Variants in TENT4B observed in about 807,000 individuals in gnomAD.
The protein encoded by TENT4B is terminal nucleotidyltransferase 4B, also known as PAP associated domain containing 5.
In TENT4B, 10 loss-of-function variants were observed where a neutral mutation model predicts 75.0. The observed-to-expected ratio is 0.13, with a 90% CI of 0.08 to 0.23. TENT4B has a LOEUF of 0.23. Ranked by LOEUF, TENT4B falls within the 10% of genes least tolerant of loss-of-function variation. The pLI is 1.00. For synonymous variants in TENT4B, 350 were observed against 357.7 expected (o/e 0.98, Z 0.24); for missense variants, 579 against 893.8 (o/e 0.65, Z 4.49).
intron 1 of TENT4B, among the ~76,000 whole-genome samples, chr16:50,161,296 A>C (rs2037998771): frequency 1.3e-5 from 2 of 152,346 alleles, no homozygotes; most frequent in South Asian, 4.1e-4. Flanking sequence ...TGATGATGTA[A>C]AAAGACATTT....
At chr16:50,172,668 A>G (rs1445898797) in intron 1 of TENT4B, among the ~76,000 whole-genome samples, 1 of 152,090 alleles carries the variant, frequency 6.6e-6, no homozygotes, top group Admixed American at 6.6e-5. Flanking sequence ...ACTGTTAACT[A>G]AGGTCCGTAA....
chr16:50,203,455 T>C (rs1166336743), intron 1 of TENT4B, among the ~76,000 whole-genome samples: 1 of 152,266 alleles, frequency 6.6e-6, no homozygotes, highest in Non-Finnish European at 1.5e-5. Context: ...ACTTTAAAAT[T>C]GAAAGCCATT....
At position 50,218,889 on chromosome 16, in the gene TENT4B, C is replaced by G. The variant is rs533920030; in HGVS notation, c.1038+1226C>G. ...CAGCTTTCTCACCTCTAACCTAAGC[C>G]ATTAACTCCTTTGGCTTCTGTTAGA... is the stretch of plus-strand genomic sequence containing the variant. On this transcript the variant is annotated intron_variant, in intron 5 of 11. Transcript: ENST00000561678. Among the ~76,000 whole-genome samples the G allele has an allele frequency of 2.6e-5, 4 of 152,260 alleles. No homozygotes were observed. In the East Asian group the frequency reaches 5.8e-4, roughly 22 times the overall value.
intron 2 of TENT4B, 25 bp downstream of exon 2, chr16:50,211,471 T>C: frequency 2.6e-6 from 4 of 1,547,464 alleles, no homozygotes; most frequent in South Asian, 2.6e-5. Context: ...GGGTAGCTTA[T>C]GCTTCGGACA....
chr16:50,218,493 C>T (rs2031677688), intron 5 of TENT4B, among the ~76,000 whole-genome samples: 1 of 151,952 alleles, frequency 6.6e-6, no homozygotes, highest in African/African-American at 2.4e-5. Context: ...GGGACGAGTA[C>T]CAGGCACCTG....
intron 1 of TENT4B, among the ~76,000 whole-genome samples, chr16:50,185,623 ATTAC>A (rs2038511062): frequency 6.6e-6 from 1 of 152,128 alleles, no homozygotes; most frequent in Non-Finnish European, 1.5e-5. Context: ...TGTTTTTATA[ATTAC>A]TTAACACGTG....
intron 1 of TENT4B, among the ~76,000 whole-genome samples, chr16:50,162,997 T>C (rs953598924): frequency 6.6e-6 from 1 of 152,206 alleles, no homozygotes; most frequent in Non-Finnish European, 1.5e-5. Context: ...ATAGAATAGA[T>C]ACTTGATCTT....
chr16:50,175,139 A>C (rs534795800), intron 1 of TENT4B, among the ~76,000 whole-genome samples: 1 of 152,132 alleles, frequency 6.6e-6, no homozygotes, highest in Non-Finnish European at 1.5e-5. Context: ...AAGAACATGT[A>C]ATATTTCTCT....
At chr16:50,158,745 A>G (rs369203398) in intron 1 of TENT4B, among the ~76,000 whole-genome samples, 19 of 152,252 alleles carry the variant, frequency 1.2e-4, no homozygotes, top group East Asian at 5.8e-4. Flanking sequence ...TTTGGAGTAC[A>G]AATTTGGCTG....
intron 1 of TENT4B, among the ~76,000 whole-genome samples, chr16:50,194,289 C>T (rs912562332): frequency 1.4e-5 from 2 of 146,066 alleles, no homozygotes; most frequent in African/African-American, 2.5e-5. Context: ...AATCTCAGTT[C>T]ACTGCAACCT....
intron 1 of TENT4B, among the ~76,000 whole-genome samples, chr16:50,183,811 G>A (rs1343139317): frequency 3.9e-5 from 6 of 152,130 alleles, no homozygotes; most frequent in African/African-American, 1.4e-4. Flanking sequence ...TTGGGAGGCC[G>A]AGGTGGGCAG....
At chr16:50,202,882 A>G (rs2030735037) in intron 1 of TENT4B, among the ~76,000 whole-genome samples, 1 of 152,218 alleles carries the variant, frequency 6.6e-6, no homozygotes, top group Non-Finnish European at 1.5e-5. Flanking sequence ...CCAAGAGGAA[A>G]TCAACTGAAA....
At chr16:50,225,740 T>C (rs2032021415) in intron 10 of TENT4B, among the ~76,000 whole-genome samples, 1 of 151,616 alleles carries the variant, frequency 6.6e-6, no homozygotes, top group South Asian at 2.1e-4. Flanking sequence ...TGGAGTGCAG[T>C]GGTATGATCT....
chr16:50,217,327 G>A (rs2031612625), intron 4 of TENT4B, among the ~76,000 whole-genome samples: 1 of 151,930 alleles, frequency 6.6e-6, no homozygotes, highest in African/African-American at 2.4e-5. Flanking sequence ...CAAAATTCTC[G>A]GTTGATAGAA....
intron 7 of TENT4B, 127 bp downstream of exon 7, chr16:50,223,514 A>T: frequency 1.5e-6 from 1 of 678,582 alleles, no homozygotes; most frequent in Non-Finnish European, 2.4e-6. Context: ...TTTTTCATCG[A>T]AATATTTCAT....
chr16:50,155,286 T>TGTGTGTGTGTGA (rs2037875308), intron 1 of TENT4B, among the ~76,000 whole-genome samples: 2 of 150,714 alleles, frequency 1.3e-5, no homozygotes, highest in African/African-American at 4.9e-5. Flanking sequence ...TGTGTGTGTG[T>TGTGTGTGTGTGA]GTGTGTGTGT....
chr16:50,218,352 T>C (rs1415230947), intron 5 of TENT4B, among the ~76,000 whole-genome samples: 2 of 151,732 alleles, frequency 1.3e-5, no homozygotes, highest in African/African-American at 4.8e-5. Flanking sequence ...TTTTTCTTTT[T>C]TCGAGGCAGA....
chr16:50,230,998 C>A lies in TENT4B; in HGVS notation c.*1670C>A. ...TATGAAATACTGAAGACCAATCAGA[C>A]CATTAATGGACACTTAGTGTAACTT... is the stretch of plus-strand genomic sequence containing the variant. On this transcript the variant is annotated 3_prime_UTR_variant, in exon 12 of 12. Transcript: ENST00000561678. 1.0e-6 allele frequency: 1 copy of A among 982,856 alleles called. No individual in the cohort carries two copies. Among genetic ancestry groups the A allele is most frequent in the Non-Finnish European group, 1.2e-6 (1 of 827,316 alleles). The allele number at this position is 982,856 out of a possible 1,614,324, so 60.9% of individuals were successfully genotyped here. A position where few individuals can be genotyped will look rare whatever the true frequency, so the allele number is the denominator to read the frequency against.
At chr16:50,204,978 G>A (rs1019908470) in intron 1 of TENT4B, among the ~76,000 whole-genome samples, 2 of 152,026 alleles carry the variant, frequency 1.3e-5, no homozygotes, top group African/African-American at 2.4e-5. Context: ...TTCCACAGCC[G>A]GCCCATATCA....
Sources: gnomAD v4.1 joint callset for allele counts (sites outside exome capture counted in the v4.1 genomes callset) on GRCh38, gnomAD v4.1.1 for gene constraint, MANE v1.5 for transcripts, NCBI Gene and HGNC (gene_info 2026-07-23, HGNC 2026-07-21) for gene names.